DLGAP2: variants seen among roughly 807,000 people sequenced by gnomAD.
DLGAP2 encodes disks large-associated protein 2.
Under a neutral mutation model 100.3 loss-of-function variants are expected in DLGAP2, and 26 were observed. That is an observed-to-expected ratio of 0.26 (90% CI 0.19 to 0.36). DLGAP2 has a LOEUF of 0.36. Among genes scored for constraint, DLGAP2 ranks in the 10% least tolerant of loss-of-function variants. The pLI is 1.00. For synonymous variants in DLGAP2, 886 were observed against 630.1 expected (o/e 1.41, Z -6.08); for missense variants, 1,858 against 1,453.2 (o/e 1.28, Z -4.53).
chr8:1,377,578 G>A (rs532388536), intron 3 of DLGAP2, among the ~76,000 whole-genome samples: 1 of 152,160 alleles, frequency 6.6e-6, no homozygotes, highest in African/African-American at 2.4e-5. Context: ...AGATGCACAG[G>A]TCTTCATATC....
At chr8:1,218,299 T>C (rs897273173) in intron 2 of DLGAP2, among the ~76,000 whole-genome samples, 1 of 152,222 alleles carries the variant, frequency 6.6e-6, no homozygotes, top group African/African-American at 2.4e-5. Context: ...TTCAATCTTC[T>C]GCATATGGGT....
At chr8:1,007,877 T>C (rs1424899604) in intron 2 of DLGAP2, among the ~76,000 whole-genome samples, 1 of 152,158 alleles carries the variant, frequency 6.6e-6, no homozygotes, top group Non-Finnish European at 1.5e-5. Context: ...GGCAAGGTCA[T>C]TTTAAAAGGG....
At chr8:1,454,268 G>T (rs552035206) in intron 3 of DLGAP2, among the ~76,000 whole-genome samples, 1 of 152,206 alleles carries the variant, frequency 6.6e-6, no homozygotes, top group Non-Finnish European at 1.5e-5. Flanking sequence ...TTGGGAGGTG[G>T]CCGAGTTCCA....
chr8:1,664,673 A>T (rs1347887660), intron 8 of DLGAP2, among the ~76,000 whole-genome samples: 1 of 152,228 alleles, frequency 6.6e-6, no homozygotes, highest in Non-Finnish European at 1.5e-5. Context: ...ATGGACATTC[A>T]GTTCGACCTG....
intron 2 of DLGAP2, among the ~76,000 whole-genome samples, chr8:1,136,826 G>A (rs1023806402): frequency 2.0e-5 from 3 of 152,194 alleles, no homozygotes; most frequent in African/African-American, 7.2e-5. Flanking sequence ...CTGCTCTCCA[G>A]AATGACCATT....
intron 2 of DLGAP2, among the ~76,000 whole-genome samples, chr8:973,949 C>G (rs188683853): frequency 6.6e-6 from 1 of 151,368 alleles, no homozygotes; most frequent in Non-Finnish European, 1.5e-5. Flanking sequence ...GCGCAAGCTG[C>G]GCGCGCAGAC....
intron 3 of DLGAP2, among the ~76,000 whole-genome samples, chr8:1,483,601 A>C (rs1179951926): frequency 1.1e-4 from 15 of 141,756 alleles, no homozygotes; most frequent in African/African-American, 4.0e-4. Flanking sequence ...ACGTGAGGAC[A>C]AGGGAAGGCT....
At chr8:1,268,770 A>C (rs1799520985) in intron 3 of DLGAP2, among the ~76,000 whole-genome samples, 2 of 152,218 alleles carry the variant, frequency 1.3e-5, no homozygotes, top group South Asian at 4.1e-4. Context: ...TTTCCCAATT[A>C]TGCACCTCAT....
chr8:1,227,231 TACAC>T (rs978388493), intron 2 of DLGAP2, among the ~76,000 whole-genome samples: 8 of 138,672 alleles, frequency 5.8e-5, no homozygotes, highest in African/African-American at 2.2e-4. Context: ...ATTTGTTTTA[TACAC>T]ACACACAGAA....
intron 1 of DLGAP2, among the ~76,000 whole-genome samples, chr8:786,159 C>T (rs991248606): frequency 6.6e-6 from 1 of 152,186 alleles, no homozygotes; most frequent in Non-Finnish European, 1.5e-5. Flanking sequence ...AGGAAAAGCC[C>T]GTCCTGGCAG....
At chr8:1,506,740 G>A (rs574461674) in intron 4 of DLGAP2, among the ~76,000 whole-genome samples, 1 of 152,146 alleles carries the variant, frequency 6.6e-6, no homozygotes, top group Non-Finnish European at 1.5e-5. Context: ...GTTTTGACAG[G>A]GTGCTGATTG....
chr8:948,287 C>T (rs1028247707), intron 2 of DLGAP2, among the ~76,000 whole-genome samples: 2 of 152,246 alleles, frequency 1.3e-5, no homozygotes, highest in African/African-American at 4.8e-5. Flanking sequence ...GCTGTGATGC[C>T]ACTGGCCTCG....
intron 8 of DLGAP2, among the ~76,000 whole-genome samples, chr8:1,650,371 A>G (rs537351088): frequency 2.6e-5 from 4 of 152,348 alleles, no homozygotes; most frequent in South Asian, 2.1e-4. Context: ...AAACTGTCCT[A>G]TGATTCATAA....
At chr8:1,285,440 G>A (rs981269333) in intron 3 of DLGAP2, among the ~76,000 whole-genome samples, 10 of 152,164 alleles carry the variant, frequency 6.6e-5, no homozygotes, top group Non-Finnish European at 1.5e-4. Flanking sequence ...AGATATTTGA[G>A]AAGAATATGC....
intron 3 of DLGAP2, among the ~76,000 whole-genome samples, chr8:1,286,876 G>C (rs1362260502): frequency 6.6e-6 from 1 of 152,254 alleles, no homozygotes; most frequent in Non-Finnish European, 1.5e-5. Context: ...CATTCGAGGA[G>C]AAAACCAATT....
intron 14 of DLGAP2, among the ~76,000 whole-genome samples, chr8:1,700,370 C>G (rs1251241775): frequency 1.3e-5 from 2 of 151,450 alleles, no homozygotes; most frequent in East Asian, 1.9e-4. Flanking sequence ...ATGGCTCTGT[C>G]CAGAAGGGGA....
At chr8:1,243,603 A>C (rs955128715) in intron 2 of DLGAP2, among the ~76,000 whole-genome samples, 1 of 152,004 alleles carries the variant, frequency 6.6e-6, no homozygotes, top group African/African-American at 2.4e-5. Flanking sequence ...CCTCACATTA[A>C]TTTGTTTGGA....
chr8:1,157,150 C>T (rs1585108870), intron 2 of DLGAP2, among the ~76,000 whole-genome samples: 1 of 152,090 alleles, frequency 6.6e-6, no homozygotes, highest in East Asian at 1.9e-4. Flanking sequence ...TTACTGGTGA[C>T]CGCGGGGAAA....
chr8:765,285 G>C (rs1224761675), intron 1 of DLGAP2, among the ~76,000 whole-genome samples: 2 of 152,182 alleles, frequency 1.3e-5, no homozygotes, highest in Non-Finnish European at 2.9e-5. Context: ...AAAATGATCT[G>C]ATAATGTATC....
Sources: gnomAD v4.1 joint callset for allele counts (sites outside exome capture counted in the v4.1 genomes callset) on GRCh38, gnomAD v4.1.1 for gene constraint, MANE v1.5 for transcripts, NCBI Gene and HGNC (gene_info 2026-07-23, HGNC 2026-07-21) for gene names.